SEC14L5: variants seen among roughly 807,000 people sequenced by gnomAD.
The protein encoded by SEC14L5 is SEC14-like protein 5.
Under a neutral mutation model 84.6 loss-of-function variants are expected in SEC14L5, and 96 were observed. The observed-to-expected ratio is 1.13, with a 90% CI of 0.96 to 1.34. The LOEUF is 1.34. Among genes scored for constraint, SEC14L5 ranks in the 40% most tolerant of loss-of-function variants. The pLI is 0.00. For missense variants in SEC14L5, 1,224 were observed against 942.5 expected, an observed-to-expected ratio of 1.30 and a Z score of -3.91; for synonymous variants, 546 against 383.4, an observed-to-expected ratio of 1.42 and a Z score of -4.95.
At chr16:5,007,540 G>A in intron 13 of SEC14L5, 54 bp downstream of exon 13, 1 of 1,551,696 alleles carries the variant, frequency 6.4e-7, no homozygotes, top group South Asian at 1.1e-5. Context: ...TGTCGTCTTA[G>A]GTCAGGTGAC....
In SEC14L5 at chr16:5,006,009, T is replaced by C. The variant is rs1253616992; in HGVS notation, c.1398T>C (p.Asp466=). 6.2e-7 allele frequency: 1 copy of C among 1,613,818 alleles called. No individual in the cohort carries two copies. Among genetic ancestry groups the C allele is most frequent in the Admixed American group, 1.7e-5 (1 of 60,006 alleles). ...CCGGAGGCCTTGTGGACTATCTGGATAGAGAAGTGATCCCTGACTTCCTTG... is the reference window on the plus strand; with the variant it reads ...CCGGAGGCCTTGTGGACTATCTGGACAGAGAAGTGATCCCTGACTTCCTTG... ...QGPGGLVDYL[D]REVIPDFLGG... The change falls in exon 12 of 16, where the codon GAT becomes GAC. Residue 466 remains aspartate (D), a synonymous_variant. Transcript: ENST00000251170.
At chr16:5,009,271 G>A (rs747735396) in intron 14 of SEC14L5, among the ~76,000 whole-genome samples, 2 of 151,946 alleles carry the variant, frequency 1.3e-5, no homozygotes, top group African/African-American at 2.4e-5. Flanking sequence ...CCTCTCTCCT[G>A]TAAGGACACT....
At chr16:5,008,176 A>G (rs1955755447) in intron 13 of SEC14L5, among the ~76,000 whole-genome samples, 1 of 151,930 alleles carries the variant, frequency 6.6e-6, no homozygotes, top group African/African-American at 2.4e-5. Context: ...TCGGCCTCCC[A>G]AAGTGTTGGG....
chr16:4,983,206 G>A (rs1443524198), intron 2 of SEC14L5, among the ~76,000 whole-genome samples: 1 of 151,818 alleles, frequency 6.6e-6, no homozygotes, highest in Non-Finnish European at 1.5e-5. Flanking sequence ...TAGAGACAGG[G>A]TTTCATCATG....
At chr16:4,990,969 C>G in intron 5 of SEC14L5, 74 bp downstream of exon 5, 17 of 1,298,706 alleles carry the variant, frequency 1.3e-5, no homozygotes, top group Non-Finnish European at 1.8e-5. Context: ...TGCATGACCC[C>G]TGGCAAGACC....
chr16:4,966,787 A>G (rs562243917), intron 2 of SEC14L5, among the ~76,000 whole-genome samples: 43 of 152,274 alleles, frequency 2.8e-4, no homozygotes, highest in African/African-American at 9.9e-4. Flanking sequence ...TCAGAGCTGG[A>G]TGGAGGATCT....
intron 15 of SEC14L5, among the ~76,000 whole-genome samples, chr16:5,012,243 C>T (rs1955814210): frequency 6.6e-6 from 1 of 152,062 alleles, no homozygotes; most frequent in South Asian, 2.1e-4. Flanking sequence ...GGCTGAGGCC[C>T]AGGGGGACAC....
intron 2 of SEC14L5, among the ~76,000 whole-genome samples, chr16:4,968,410 C>G (rs1237576584): frequency 6.6e-6 from 1 of 152,212 alleles, no homozygotes; most frequent in African/African-American, 2.4e-5. Context: ...AACTCCCGAC[C>G]TCAGGTGATC....
intron 2 of SEC14L5, among the ~76,000 whole-genome samples, chr16:4,978,783 T>C (rs1173578117): frequency 6.6e-6 from 1 of 152,100 alleles, no homozygotes; most frequent in Admixed American, 6.6e-5. Context: ...TTTGTATTTT[T>C]AGTAGAGACG....
chr16:4,981,769 T>C (rs764106433), intron 2 of SEC14L5, among the ~76,000 whole-genome samples: 9 of 152,112 alleles, frequency 5.9e-5, no homozygotes, highest in Non-Finnish European at 1.3e-4. Flanking sequence ...ATGAGACATA[T>C]ACGCACTTTC....
chr16:4,994,847 C>T (rs550310263), intron 6 of SEC14L5, among the ~76,000 whole-genome samples: 2 of 152,256 alleles, frequency 1.3e-5, no homozygotes, highest in South Asian at 4.1e-4. Flanking sequence ...AGAGGACATC[C>T]TCATGCCCCT....
chr16:4,975,472 CAAAAAAAA>C (rs55786860), intron 2 of SEC14L5, among the ~76,000 whole-genome samples: 1 of 77,324 alleles, frequency 1.3e-5, no homozygotes, highest in Non-Finnish European at 2.2e-5. Flanking sequence ...AACTCCATCT[CAAAAAAAA>C]AAAAAAAAAA....
chr16:4,996,205 T>C lies in SEC14L5; in HGVS notation c.668-143T>C, dbSNP rs764850568. On this transcript the variant is annotated intron_variant, in intron 6 of 15. Transcript: ENST00000251170. ...ATGAATGCATTCAGAGTCCGGTGGC[T>C]GCTGTCTGGGGCGGGGGCTTAGCCT... 46 of 582,778 alleles carry C rather than the reference T, an allele frequency of 7.9e-5. 1 individual carries two copies. Among genetic ancestry groups the C allele is most frequent in the Admixed American group, 1.5e-4 (5 of 32,776 alleles). 36.1% of individuals were successfully genotyped at this position (582,778 alleles called of 1,614,324 possible). A position where few individuals can be genotyped will look rare whatever the true frequency, so the allele number is the denominator to read the frequency against.
At chr16:4,963,107 C>G (rs1005683705) in intron 2 of SEC14L5, among the ~76,000 whole-genome samples, 2 of 152,160 alleles carry the variant, frequency 1.3e-5, no homozygotes, top group Non-Finnish European at 2.9e-5. Context: ...TCAAAATGCT[C>G]CTAGCTTCTT....
chr16:4,982,862 G>T (rs1234520077), intron 2 of SEC14L5, among the ~76,000 whole-genome samples: 1 of 152,170 alleles, frequency 6.6e-6, no homozygotes, highest in Admixed American at 6.5e-5. Flanking sequence ...TCGAGTCTGT[G>T]CTGTCAGCCA....
At chr16:5,009,835 T>A (rs1955778867) in intron 14 of SEC14L5, among the ~76,000 whole-genome samples, 1 of 151,974 alleles carries the variant, frequency 6.6e-6, no homozygotes, top group South Asian at 2.1e-4. Context: ...TGTGGCTGGA[T>A]CTGGGAGGGG....
chr16:4,989,674 A>G (rs1955531424), intron 4 of SEC14L5, among the ~76,000 whole-genome samples: 1 of 151,190 alleles, frequency 6.6e-6, no homozygotes, highest in Non-Finnish European at 1.5e-5. Context: ...TACGCCTCCA[A>G]CTCCTCTTGG....
chr16:4,996,953 G>A lies in SEC14L5; in HGVS notation c.879G>A (p.Lys293=), dbSNP rs945505526. The change falls in exon 8 of 16, where the codon AAG becomes AAA. Residue 293 remains lysine, a synonymous_variant. Coordinates refer to ENST00000251170, the MANE Select transcript of SEC14L5 (RefSeq NM_014692.2). ...EMLRQSLSWR[K]QHQVDLLLQT... ...TGCGCCAGTCCTTGAGCTGGCGCAAGCAGCACCAGGTGGATCTCCTCCTTC... is the reference window on the plus strand; with the variant it reads ...TGCGCCAGTCCTTGAGCTGGCGCAAACAGCACCAGGTGGATCTCCTCCTTC... 3.7e-6 allele frequency: 6 copies of A among 1,613,508 alleles called. No individual in the cohort carries two copies. The highest frequency in any genetic ancestry group is 5.1e-6 in the Non-Finnish European group (6 of 1,179,572).
intron 15 of SEC14L5, among the ~76,000 whole-genome samples, 179 bp downstream of exon 15, chr16:5,011,452 G>A (rs953446971): frequency 6.6e-6 from 1 of 152,220 alleles, no homozygotes; most frequent in Non-Finnish European, 1.5e-5. Context: ...GGAGAGCCCA[G>A]CTCTGCGCGT....
Sources: allele counts gnomAD v4.1 joint callset (sites outside exome capture counted in the v4.1 genomes callset), GRCh38; gene constraint gnomAD v4.1.1; transcripts MANE v1.5; gene names NCBI Gene and HGNC (gene_info 2026-07-23, HGNC 2026-07-21).